The following FKTN variants were observed in gnomAD, a reference collection of about 807,000 sequenced individuals.
The protein encoded by FKTN is ribitol-5-phosphate transferase FKTN.
In FKTN, 47 loss-of-function variants were observed where a neutral mutation model predicts 58.6. The observed-to-expected ratio is 0.80, with a 90% confidence interval of 0.63 to 1.02. The LOEUF (loss-of-function observed/expected upper bound fraction) is 1.02, where lower values mean the gene tolerates loss of function less well. Among genes scored for constraint, FKTN ranks in the 50% least tolerant of loss-of-function variants. The pLI, the probability that FKTN is intolerant of heterozygous loss-of-function variation, is 0.00. For synonymous variants in FKTN, 178 were observed against 191.9 expected (o/e 0.93, Z 0.60); for missense variants, 516 against 537.3 (o/e 0.96, Z 0.39).
chr9:105,601,225 G>T lies in FKTN; in HGVS notation c.246G>T (p.Leu82Phe), dbSNP rs761389602. The change falls in exon 5 of 11, where the codon TTG becomes TTT. Residue 82 changes from leucine (L) to phenylalanine (F), a missense_variant. Coordinates refer to ENST00000357998, the MANE Select transcript of FKTN (RefSeq NM_001079802.2). ...VFLIDPLILE[L>F]INKNFEQVKN... ...TTATTGATCCTTTGATACTGGAATT[G>T]ATTAATAAGAACTTTGAACAAGTCA... 6.2e-7 allele frequency: 1 copy of T among 1,610,314 alleles called. No individual in the cohort carries two copies. The highest frequency in any genetic ancestry group is 8.5e-7 in the Non-Finnish European group (1 of 1,176,882).
chr9:105,638,834 T>A lies in FKTN; in HGVS notation c.*3570T>A, dbSNP rs576292270. On this transcript the variant is annotated 3_prime_UTR_variant, in exon 11 of 11. Coordinates refer to ENST00000357998, the MANE Select transcript of FKTN (RefSeq NM_001079802.2). Reference sequence around the variant, plus strand: ...CTCATTCCTTTTTGAGTTTGTGACCTCAAACCATTGTTTTTATTCTTACAC... The same window carrying A: ...CTCATTCCTTTTTGAGTTTGTGACCACAAACCATTGTTTTTATTCTTACAC... The A allele has an allele frequency of 1.0e-6, 1 of 984,868 alleles. No homozygotes were observed. Among genetic ancestry groups the A allele is most frequent in the South Asian group, 4.7e-5 (1 of 21,276 alleles). The allele number at this position is 984,868 out of a possible 1,614,324, so 61.0% of individuals were successfully genotyped here. A position where few individuals can be genotyped will look rare whatever the true frequency, so the allele number is the denominator to read the frequency against.
chr9:105,609,578 T>C (rs191669745), intron 7 of FKTN, among the ~76,000 whole-genome samples: 7 of 152,336 alleles, frequency 4.6e-5, no homozygotes, highest in Admixed American at 4.6e-4. Context: ...CCTGTCTCTT[T>C]AGTCTTCTTC....
intron 10 of FKTN, among the ~76,000 whole-genome samples, chr9:105,621,758 A>G (rs1447598135): frequency 2.0e-5 from 3 of 152,114 alleles, no homozygotes; most frequent in Non-Finnish European, 4.4e-5. Flanking sequence ...GAGTATGTAT[A>G]GAAATAGCTG....
At chr9:105,567,478 A>C (rs1478810360) in intron 1 of FKTN, among the ~76,000 whole-genome samples, 4 of 152,242 alleles carry the variant, frequency 2.6e-5, no homozygotes, top group Non-Finnish European at 5.9e-5. Flanking sequence ...ATGTGCAAAA[A>C]TCACAAGCAT....
intron 10 of FKTN, among the ~76,000 whole-genome samples, chr9:105,628,611 A>G (rs1833027293): frequency 1.3e-5 from 2 of 152,352 alleles, no homozygotes; most frequent in South Asian, 4.1e-4. Flanking sequence ...AAAGACTTGT[A>G]CACAGATGTT....
chr9:105,632,365 A>G (rs1283014991), intron 10 of FKTN, among the ~76,000 whole-genome samples: 1 of 151,770 alleles, frequency 6.6e-6, no homozygotes, highest in Non-Finnish European at 1.5e-5. Flanking sequence ...ACATGTATAC[A>G]TATGTAACTA....
chr9:105,608,236 A>G (rs1376741887), intron 7 of FKTN, among the ~76,000 whole-genome samples: 1 of 152,214 alleles, frequency 6.6e-6, no homozygotes, highest in East Asian at 1.9e-4. Context: ...AAGATAGCCC[A>G]TTAACTTTGT....
At chr9:105,607,331 A>G (rs1459341239) in intron 6 of FKTN, among the ~76,000 whole-genome samples, 1 of 152,106 alleles carries the variant, frequency 6.6e-6, no homozygotes, top group African/African-American at 2.4e-5. Flanking sequence ...TAAACTGATA[A>G]TTAAAAATTA....
intron 3 of FKTN, among the ~76,000 whole-genome samples, chr9:105,595,411 G>A (rs1826585514): frequency 1.3e-5 from 2 of 152,156 alleles, no homozygotes; most frequent in African/African-American, 4.8e-5. Flanking sequence ...CAGAAATATA[G>A]CTGAGCTGTA....
chr9:105,592,154 G>C (rs1398382067), intron 3 of FKTN, among the ~76,000 whole-genome samples: 2 of 152,244 alleles, frequency 1.3e-5, no homozygotes, highest in African/African-American at 2.4e-5. Context: ...AATTTCTGCA[G>C]CCTGCTTGAA....
chr9:105,579,785 T>C (rs1842510547), intron 3 of FKTN, among the ~76,000 whole-genome samples: 1 of 149,836 alleles, frequency 6.7e-6, no homozygotes, highest in African/African-American at 2.5e-5. Context: ...CTCCCATTAT[T>C]AATGTGTGGG....
At chr9:105,597,725 T>G (rs1044735382) in intron 4 of FKTN, among the ~76,000 whole-genome samples, 15 of 152,276 alleles carry the variant, frequency 9.9e-5, no homozygotes, top group African/African-American at 3.1e-4. Flanking sequence ...TAAAATTCAG[T>G]ATTTTAACAG....
chr9:105,568,458 C>G (rs1336285394), intron 1 of FKTN, among the ~76,000 whole-genome samples: 1 of 152,046 alleles, frequency 6.6e-6, no homozygotes, highest in Non-Finnish European at 1.5e-5. Context: ...AAAAAACAAC[C>G]CCATCAACAA....
At chr9:105,581,747 C>T (rs558978213) in intron 3 of FKTN, among the ~76,000 whole-genome samples, 94 of 152,312 alleles carry the variant, frequency 6.2e-4, no homozygotes, top group African/African-American at 1.4e-3. Flanking sequence ...TGGGCAATGG[C>T]GGGCGCCCCT....
chr9:105,627,388 A>G (rs1323023658), intron 10 of FKTN, among the ~76,000 whole-genome samples: 3 of 152,180 alleles, frequency 2.0e-5, no homozygotes, highest in Non-Finnish European at 4.4e-5. Context: ...CCCTATCCCA[A>G]GATAATGAAG....
chr9:105,561,942 G>A (rs75249587), intron 1 of FKTN, among the ~76,000 whole-genome samples: 4 of 147,376 alleles, frequency 2.7e-5, no homozygotes, highest in Admixed American at 1.3e-4. Flanking sequence ...TTTTTTTTTG[G>A]TCTGACCTCT....
At chr9:105,633,916 A>G (rs1345202104) in intron 10 of FKTN, among the ~76,000 whole-genome samples, 1 of 152,156 alleles carries the variant, frequency 6.6e-6, no homozygotes, top group Non-Finnish European at 1.5e-5. Context: ...GATATTTTAA[A>G]TTCCTGTAAT....
intron 3 of FKTN, among the ~76,000 whole-genome samples, chr9:105,588,771 G>A (rs1271901955): frequency 6.6e-6 from 1 of 152,216 alleles, no homozygotes; most frequent in African/African-American, 2.4e-5. Flanking sequence ...AGCATAGCAT[G>A]CTGGATATAC....
chr9:105,615,429 A>G, intron 8 of FKTN, 22 bp downstream of exon 8: 1 of 1,612,846 alleles, frequency 6.2e-7, no homozygotes. Flanking sequence ...ACGACTTTCC[A>G]TTTGTCTTTC....
Sources: gnomAD v4.1 joint callset for allele counts (sites outside exome capture counted in the v4.1 genomes callset) on GRCh38, gnomAD v4.1.1 for gene constraint, MANE v1.5 for transcripts, NCBI Gene and HGNC (gene_info 2026-07-23, HGNC 2026-07-21) for gene names.